The following TNNT3 variants were observed in gnomAD, a reference collection of about 807,000 sequenced individuals.
TNNT3 encodes troponin T, fast skeletal muscle.
In TNNT3, 36 loss-of-function variants were observed where a neutral mutation model predicts 54.2. The ratio of observed to expected loss-of-function variants is 0.66; its 90% CI spans 0.51 to 0.88. The LOEUF (loss-of-function observed/expected upper bound fraction) is 0.88, where lower values mean the gene tolerates loss of function less well. Ranked by LOEUF, TNNT3 falls within the 40% of genes least tolerant of loss-of-function variation. TNNT3 has a pLI of 0.00. For missense variants in TNNT3, 291 were observed against 331.6 expected (o/e 0.88, Z 0.95); for synonymous variants, 120 against 109.7 (o/e 1.09, Z -0.59).
rs866796349 is a variant in TNNT3 at position 1,938,321 on chromosome 11, G to T, written c.723-117G>T. 9 of 1,136,702 alleles carry T rather than the reference G, an allele frequency of 7.9e-6. No individual in the cohort carries two copies. In the South Asian group the frequency reaches 1.1e-4, roughly 14 times the overall value. The allele number at this position is 1,136,702 out of a possible 1,614,324, so 70.4% of individuals were successfully genotyped here. ...TGGGTGTGGGCCGCAAGCTTGGGCC[G>T]GGCCTGTGCCCTGAGAGCAGCCTGG... On this transcript the variant is annotated intron_variant, in intron 15 of 15. Coordinates refer to ENST00000278317, the MANE Select transcript of TNNT3 (RefSeq NM_006757.4).
intron 11 of TNNT3, 149 bp downstream of exon 11, chr11:1,934,157 A>G: frequency 1.8e-6 from 2 of 1,127,970 alleles, no homozygotes; most frequent in South Asian, 1.3e-5. Flanking sequence ...CGCCCTGCAG[A>G]ACCCCTTGCC....
At position 1,929,537 on chromosome 11, in the gene TNNT3, C is replaced by G. The variant is rs533442070; in HGVS notation, c.107-273C>G. On this transcript the variant is annotated intron_variant, in intron 7 of 15. Coordinates refer to ENST00000278317, the MANE Select transcript of TNNT3 (RefSeq NM_006757.4). ...CAGCCTTCAAGGACGCGGCCTGTCT[C>G]GCTCCTATTTCTTCCCTACCTCTTC... is the stretch of plus-strand genomic sequence containing the variant. Among the ~76,000 whole-genome samples the G allele has an allele frequency of 2.0e-5, 3 of 152,342 alleles. No homozygotes were observed. In the South Asian group the frequency reaches 6.2e-4, roughly 32 times the overall value.
intron 9 of TNNT3, 90 bp downstream of exon 9, chr11:1,932,604 A>G (rs767009246): frequency 2.4e-5 from 32 of 1,356,072 alleles, no homozygotes; most frequent in Admixed American, 1.0e-4. Context: ...CTTCCTCCCA[A>G]GTAGCCAGAG....
chr11:1,932,254 C>A (rs1170783842), intron 8 of TNNT3, among the ~76,000 whole-genome samples: 3 of 152,230 alleles, frequency 2.0e-5, no homozygotes, highest in Non-Finnish European at 4.4e-5. Context: ...GAAGCGGAAG[C>A]CTTCTTGAGG....
chr11:1,932,350 C>A, intron 8 of TNNT3, 119 bp from the exon 9 acceptor site: 1 of 936,694 alleles, frequency 1.1e-6, no homozygotes. Flanking sequence ...GCATGCTTGG[C>A]TGGGGGCCAG....
Position 1,938,517 on chromosome 11 carries a change from C to A in TNNT3, c.*25C>A. The stretch of plus-strand genomic sequence containing the variant: ...GAGAGGCCAGAAAGGCCCCTCGAGG[C>A]AGAGACCCTCCGCCCTCTTGCACAC... On this transcript the variant is annotated 3_prime_UTR_variant, in exon 16 of 16. Coordinates refer to ENST00000278317, the MANE Select transcript of TNNT3 (RefSeq NM_006757.4). 1.2e-6 allele frequency: 2 copies of A among 1,612,006 alleles called. No homozygotes were observed. The highest frequency in any genetic ancestry group is 1.7e-6 in the Non-Finnish European group (2 of 1,179,084).
Position 1,932,480 on chromosome 11 carries a change from C to T in TNNT3, c.137C>T (p.Pro46Leu). The change falls in exon 9 of 16, where the codon CCT becomes CTT. Residue 46 changes from proline (P) to leucine (L), a missense_variant. Coordinates refer to ENST00000278317, the MANE Select transcript of TNNT3 (RefSeq NM_006757.4). ...TGTCTCCTCTTCAGACTCACTGCTC[C>T]TAAGATCCCAGAAGGGGAGAAAGTG... ...EEKPRPKLTA[P>L]KIPEGEKVDF... 5 of 1,613,848 alleles carry T rather than the reference C, an allele frequency of 3.1e-6. No individual in the cohort carries two copies. The highest frequency in any genetic ancestry group is 2.2e-5 in the East Asian group (1 of 44,874).
At chr11:1,924,435 C>T (rs1015220383) in intron 4 of TNNT3, among the ~76,000 whole-genome samples, 1 of 152,242 alleles carries the variant, frequency 6.6e-6, no homozygotes, top group Non-Finnish European at 1.5e-5. Context: ...GCAACCTTAG[C>T]AGGCAGGGCT....
intron 5 of TNNT3, 86 bp downstream of exon 5, chr11:1,925,202 G>C (rs1451233401): frequency 6.3e-7 from 1 of 1,577,924 alleles, no homozygotes; most frequent in Non-Finnish European, 8.6e-7. Context: ...CCGCCTCTAA[G>C]GATTGCTGTG....
chr11:1,934,618 C>T lies in TNNT3; in HGVS notation c.553C>T (p.Pro185Ser). The T allele has an allele frequency of 6.2e-7, 1 of 1,609,556 alleles. No individual in the cohort carries two copies. Reference sequence around the variant, plus strand: ...GAAGATTCTGGCTGAGAGACGCAAGCCGCTCAACATCGATCACCTTGGTGA... The same window carrying T: ...GAAGATTCTGGCTGAGAGACGCAAGTCGCTCAACATCGATCACCTTGGTGA... Reference protein sequence around the residue: ...KKKILAERRKPLNIDHLGEDK... With the variant: ...KKKILAERRKSLNIDHLGEDK... The change falls in exon 13 of 16, where the codon CCG becomes TCG. Residue 185 changes from proline (P) to serine (S), a missense_variant. Pro to Ser is a moderately conservative substitution (Grantham distance 74). Coordinates refer to ENST00000278317, the MANE Select transcript of TNNT3 (RefSeq NM_006757.4).
chr11:1,937,183 C>G, intron 15 of TNNT3, among the ~76,000 whole-genome samples, 180 bp downstream of exon 15: 1 of 152,142 alleles, frequency 6.6e-6, no homozygotes, highest in East Asian at 1.9e-4. Context: ...CCGGAGCCTC[C>G]TCCCTCTCCT....
At chr11:1,929,059 C>G (rs755296486) in intron 6 of TNNT3, 61 bp from the exon 7 acceptor site, 1 of 1,602,000 alleles carries the variant, frequency 6.2e-7, no homozygotes, top group Non-Finnish European at 8.5e-7. Context: ...GCCCACTGCT[C>G]CCCCGCAGCC....
chr11:1,922,968 C>T (rs936376949), intron 2 of TNNT3, 77 bp downstream of exon 2: 18 of 1,613,074 alleles, frequency 1.1e-5, no homozygotes, highest in Non-Finnish European at 1.4e-5. Context: ...CTGGAGCATG[C>T]GCTATCTTGC....
chr11:1,922,983 G>T, intron 2 of TNNT3, 65 bp from the exon 3 acceptor site: 2 of 1,613,544 alleles, frequency 1.2e-6, no homozygotes, highest in Non-Finnish European at 1.7e-6. Context: ...TCTTGCACAA[G>T]TCCAAGCAAA....
intron 15 of TNNT3, among the ~76,000 whole-genome samples, chr11:1,937,879 C>T (rs7109919): frequency 0.016 from 2,499 of 152,276 alleles, 65 homozygotes; most frequent in African/African-American, 0.054. Flanking sequence ...TGCCCAGGAA[C>T]GTGTGTGAGG....
intron 14 of TNNT3, chr11:1,936,145 G>A: frequency 6.3e-7 from 1 of 1,590,820 alleles, no homozygotes; most frequent in Non-Finnish European, 8.6e-7. Flanking sequence ...ACCAGGCCAA[G>A]CTAGCCCACA....
intron 15 of TNNT3, among the ~76,000 whole-genome samples, chr11:1,937,801 C>T (rs1175836206): frequency 6.6e-6 from 1 of 152,214 alleles, no homozygotes; most frequent in Admixed American, 6.5e-5. Flanking sequence ...TTGCAGACCC[C>T]TCTGAGGGTG....
At position 1,923,023 on chromosome 11, in the gene TNNT3, TTCTC is replaced by T. The variant is rs761277696; in HGVS notation, c.18-16_18-13del. On this transcript the variant is annotated intron_variant, in intron 2 of 15. Transcript: ENST00000278317. ...AGCCTCACTACCTCTCTCTCTTTCT[TTCTC>T]TCTCTCTCCCTGCCCCACAGTGAAC... is the stretch of plus-strand genomic sequence containing the variant. 4.3e-6 allele frequency: 7 copies of T among 1,613,238 alleles called. No individual in the cohort carries two copies. The Admixed American group carries it at 1.2e-4, about 27-fold the overall frequency.
chr11:1,922,207 G>C (rs950158299), intron 1 of TNNT3, among the ~76,000 whole-genome samples: 14 of 152,182 alleles, frequency 9.2e-5, no homozygotes, highest in African/African-American at 3.1e-4. Flanking sequence ...CAGCTTCCCT[G>C]CTCTGTGATC....
Sources: allele counts gnomAD v4.1 joint callset (sites outside exome capture counted in the v4.1 genomes callset), GRCh38; gene constraint gnomAD v4.1.1; transcripts MANE v1.5; gene names NCBI Gene and HGNC (gene_info 2026-07-23, HGNC 2026-07-21).